The following ADAM12 variants were observed in gnomAD, a reference collection of about 807,000 sequenced individuals.
ADAM12 encodes disintegrin and metalloproteinase domain-containing protein 12.
Under a neutral mutation model 106.4 loss-of-function variants are expected in ADAM12, and 70 were observed. That is an observed-to-expected ratio of 0.66 (90% CI 0.54 to 0.80). The LOEUF (loss-of-function observed/expected upper bound fraction) is 0.80. ADAM12 is among the 30% of genes least tolerant of loss of function. ADAM12 has a pLI of 0.00. For synonymous variants in ADAM12, 420 were observed against 433.5 expected (o/e 0.97, Z 0.39); for missense variants, 1,010 against 1,171.9 (o/e 0.86, Z 2.02).
At chr10:126,319,282 C>A (rs1029310714) in intron 2 of ADAM12, among the ~76,000 whole-genome samples, 16 of 152,242 alleles carry the variant, frequency 1.1e-4, no homozygotes, top group African/African-American at 2.9e-4. Flanking sequence ...TCCTTCCAGG[C>A]AACACAGCAT....
At chr10:126,035,889 G>GC (rs1475831959) in intron 21 of ADAM12, among the ~76,000 whole-genome samples, 11 of 151,998 alleles carry the variant, frequency 7.2e-5, no homozygotes, top group African/African-American at 2.7e-4. Flanking sequence ...TCGTTTAGTT[G>GC]CATGAGTGGT....
At chr10:126,351,072 C>G (rs1384940761) in intron 1 of ADAM12, among the ~76,000 whole-genome samples, 1 of 152,196 alleles carries the variant, frequency 6.6e-6, no homozygotes, top group Admixed American at 6.5e-5. Flanking sequence ...AGGCCATGGC[C>G]AGGATTTCAA....
chr10:126,081,785 G>A (rs566136122), intron 11 of ADAM12, among the ~76,000 whole-genome samples: 1 of 152,338 alleles, frequency 6.6e-6, no homozygotes, highest in African/African-American at 2.4e-5. Context: ...TCCTAGTACT[G>A]ACAGGCAAAA....
intron 1 of ADAM12, among the ~76,000 whole-genome samples, chr10:126,381,074 G>A (rs1430623090): frequency 6.6e-6 from 1 of 152,142 alleles, no homozygotes; most frequent in Non-Finnish European, 1.5e-5. Context: ...AGTTTCCACA[G>A]CTGCAACATT....
intron 5 of ADAM12, among the ~76,000 whole-genome samples, chr10:126,120,999 T>C (rs1442993058): frequency 7.6e-6 from 1 of 131,238 alleles, no homozygotes; most frequent in Non-Finnish European, 1.5e-5. Context: ...ATATTATATA[T>C]TACATATGCA....
intron 3 of ADAM12, among the ~76,000 whole-genome samples, chr10:126,240,411 A>G (rs947021189): frequency 1.4e-4 from 21 of 152,264 alleles, no homozygotes; most frequent in Non-Finnish European, 2.9e-5. Context: ...GAGCAGAATC[A>G]GTCCCTGTCA....
chr10:126,066,643 T>C lies in ADAM12; in HGVS notation c.1413+74A>G. 1 of 1,430,396 alleles carries C rather than the reference T, an allele frequency of 7.0e-7. No homozygotes were observed. The highest frequency in any genetic ancestry group is 1.2e-5 in the South Asian group (1 of 86,684). 88.6% of individuals were successfully genotyped at this position (1,430,396 alleles called of 1,614,324 possible). On this transcript the variant is annotated intron_variant, in intron 13 of 22. Coordinates refer to ENST00000448723, the MANE Select transcript of ADAM12 (RefSeq NM_001288973.2). This position sits in a 1 kb window ranked among gnomAD's most constrained non-coding sequence, Gnocchi z 5.1. ...CTGGGAAACCTTCCAGCCACACTGC[T>C]TGCCCTGCATCAGATCTGAACCACC... is the stretch of plus-strand genomic sequence containing the variant.
At chr10:126,102,127 C>T (rs1955680205) in intron 8 of ADAM12, among the ~76,000 whole-genome samples, 1 of 152,100 alleles carries the variant, frequency 6.6e-6, no homozygotes, top group African/African-American at 2.4e-5. Context: ...CATAGGAGTT[C>T]AGAGGGCCAG....
At chr10:126,131,660 C>T (rs1269059695) in intron 5 of ADAM12, among the ~76,000 whole-genome samples, 1 of 152,166 alleles carries the variant, frequency 6.6e-6, no homozygotes. Flanking sequence ...CTAATGACTG[C>T]CTGGAAGCCA....
chr10:126,312,350 G>A, intron 2 of ADAM12, among the ~76,000 whole-genome samples: 1 of 152,166 alleles, frequency 6.6e-6, no homozygotes. Context: ...TCCAACACCT[G>A]GGTTCTGTCT....
At chr10:126,100,576 G>A (rs1015391574) in intron 9 of ADAM12, among the ~76,000 whole-genome samples, 10 of 151,604 alleles carry the variant, frequency 6.6e-5, no homozygotes, top group African/African-American at 9.7e-5. Context: ...TTAGCTGGGC[G>A]TGGTGGCGTG....
At chr10:126,149,672 C>T (rs1168447284) in intron 4 of ADAM12, among the ~76,000 whole-genome samples, 1 of 152,164 alleles carries the variant, frequency 6.6e-6, no homozygotes, top group Non-Finnish European at 1.5e-5. Flanking sequence ...TGGCCTTTAC[C>T]TTTCTCCCGT....
In ADAM12 at chr10:126,325,027, G is replaced by A. The variant is rs2133841544; in HGVS notation, c.186+5385C>T. Among the ~76,000 whole-genome samples the A allele has an allele frequency of 1.3e-5, 2 of 152,194 alleles. 1 individual carries two copies. The highest frequency in any genetic ancestry group is 4.2e-4 in the South Asian group (2 of 4,818). ...TAGACCATGAGGTCACAGTTGAGAG[G>A]GACATCACCAGCGGGACCCTTCATC... is the stretch of plus-strand genomic sequence containing the variant. On this transcript the variant is annotated intron_variant, in intron 2 of 22. Coordinates refer to ENST00000448723, the MANE Select transcript of ADAM12 (RefSeq NM_001288973.2).
intron 1 of ADAM12, among the ~76,000 whole-genome samples, chr10:126,336,421 A>G (rs1226070218): frequency 6.6e-6 from 1 of 152,192 alleles, no homozygotes; most frequent in East Asian, 1.9e-4. Flanking sequence ...TTTGCCATTC[A>G]CTGCTCTTCT....
chr10:126,188,184 G>A (rs987277862), intron 3 of ADAM12, among the ~76,000 whole-genome samples: 1 of 152,190 alleles, frequency 6.6e-6, no homozygotes, highest in Non-Finnish European at 1.5e-5. Context: ...CCTCTGACAA[G>A]TCTGGCTCAT....
At chr10:126,068,977 G>T (rs1954928742) in intron 12 of ADAM12, among the ~76,000 whole-genome samples, 1 of 152,144 alleles carries the variant, frequency 6.6e-6, no homozygotes, top group East Asian at 1.9e-4. Flanking sequence ...TTTCCATTGG[G>T]TGCTGGCAGT....
chr10:126,285,150 C>T (rs1441209739), intron 2 of ADAM12, among the ~76,000 whole-genome samples: 2 of 152,126 alleles, frequency 1.3e-5, no homozygotes. Context: ...AATGGACATT[C>T]TAGAGAGGAA....
intron 3 of ADAM12, among the ~76,000 whole-genome samples, chr10:126,214,213 G>A (rs1590629451): frequency 6.6e-6 from 1 of 152,154 alleles, no homozygotes; most frequent in East Asian, 1.9e-4. Flanking sequence ...GGTCGTATGC[G>A]CAGAACACCA....
chr10:126,182,569 A>T (rs930239877), intron 3 of ADAM12, among the ~76,000 whole-genome samples: 2 of 152,204 alleles, frequency 1.3e-5, no homozygotes, highest in South Asian at 4.1e-4. Context: ...TTAAAATGTC[A>T]CTGGAGGTAT....
Sources: gnomAD v4.1 joint callset for allele counts (sites outside exome capture counted in the v4.1 genomes callset) on GRCh38, gnomAD v4.1.1 for gene constraint, Gnocchi (gnomAD v3.1) non-coding constraint, MANE v1.5 for transcripts, NCBI Gene and HGNC (gene_info 2026-07-23, HGNC 2026-07-21) for gene names.